Variants in GALNTL6 observed in about 807,000 individuals in gnomAD.
GALNTL6 encodes the protein polypeptide N-acetylgalactosaminyltransferase-like 6.
Under a neutral mutation model 73.7 loss-of-function variants are expected in GALNTL6, and 46 were observed. That is an observed-to-expected ratio of 0.62 (90% CI 0.49 to 0.80). GALNTL6 has a LOEUF of 0.80. GALNTL6 is among the 30% of genes least tolerant of loss of function. GALNTL6 has a pLI of 0.00. For synonymous variants in GALNTL6, 259 were observed against 263.7 expected, an observed-to-expected ratio of 0.98 and a Z score of 0.17; for missense variants, 604 against 755.0, an observed-to-expected ratio of 0.80 and a Z score of 2.34.
At chr4:172,237,936 A>C (rs1737294649) in intron 3 of GALNTL6, among the ~76,000 whole-genome samples, 1 of 151,970 alleles carries the variant, frequency 6.6e-6, no homozygotes. Context: ...AGTCTGTTCC[A>C]TTGGTCTATG....
rs975047527 is a variant in GALNTL6, at chr4:172,671,823, T to C, written c.554-137538T>C. On this transcript the variant is annotated intron_variant, in intron 5 of 12. Transcript: ENST00000506823. ...ATATGGCTCTTATTGTTTTGAAATATGTTCCTTTAACACCTAGGGGTTTTT... is the reference window on the plus strand; with the variant it reads ...ATATGGCTCTTATTGTTTTGAAATACGTTCCTTTAACACCTAGGGGTTTTT... Among the ~76,000 whole-genome samples the C allele has an allele frequency of 2.0e-5, 3 of 152,100 alleles. No individual in the cohort carries two copies. In the South Asian group the frequency reaches 6.2e-4, roughly 32 times the overall value.
chr4:172,665,784 CTA>C (rs1731627787), intron 5 of GALNTL6, among the ~76,000 whole-genome samples: 1 of 152,062 alleles, frequency 6.6e-6, no homozygotes, highest in Non-Finnish European at 1.5e-5. Context: ...GTCATTATTT[CTA>C]TGTTACTTGT....
chr4:172,116,293 G>T (rs976415007), intron 2 of GALNTL6, among the ~76,000 whole-genome samples: 1 of 152,150 alleles, frequency 6.6e-6, no homozygotes, highest in Admixed American at 6.6e-5. Context: ...AAAATTAAAA[G>T]AAAATAACTT....
At chr4:173,026,991 T>C (rs1753258934) in intron 12 of GALNTL6, among the ~76,000 whole-genome samples, 1 of 152,178 alleles carries the variant, frequency 6.6e-6, no homozygotes, top group South Asian at 2.1e-4. Flanking sequence ...TCTATATAGA[T>C]ATATATAATT....
intron 5 of GALNTL6, among the ~76,000 whole-genome samples, chr4:172,720,357 G>T (rs954366775): frequency 1.3e-5 from 2 of 152,226 alleles, no homozygotes; most frequent in Admixed American, 1.3e-4. Context: ...CTTCCCGCCC[G>T]CCATTCAAAT....
intron 12 of GALNTL6, among the ~76,000 whole-genome samples, chr4:173,030,897 G>A (rs1753430477): frequency 6.6e-6 from 1 of 151,812 alleles, no homozygotes; most frequent in Admixed American, 6.6e-5. Flanking sequence ...AGCTATTTGG[G>A]AGGCTGAGGC....
intron 3 of GALNTL6, among the ~76,000 whole-genome samples, chr4:172,278,153 C>T (rs752154690): frequency 6.6e-6 from 1 of 152,018 alleles, no homozygotes; most frequent in Non-Finnish European, 1.5e-5. Flanking sequence ...TCCTTTCTTC[C>T]CATTTCTCCA....
rs567828458 is a variant in GALNTL6 at position 171,868,718 on chromosome 4, G to C, written c.138+54000G>C. ...TTTTTTTTAGACGGAGTCCTGCTCT[G>C]TCACCCAGGCTGGAGTGCAGTGGTG... On this transcript the variant is annotated intron_variant, in intron 2 of 12. Transcript: ENST00000506823. Among the ~76,000 whole-genome samples, 11 of 151,972 alleles carry C rather than the reference G, an allele frequency of 7.2e-5. No homozygotes were observed. The East Asian group carries it at 2.1e-3, about 29-fold the overall frequency.
chr4:171,823,118 T>A (rs1212980147), intron 2 of GALNTL6, among the ~76,000 whole-genome samples: 1 of 152,208 alleles, frequency 6.6e-6, no homozygotes, highest in African/African-American at 2.4e-5. Context: ...TTAGGCTTGA[T>A]AATTTGTCCC....
chr4:172,406,396 G>T (rs971005145), intron 5 of GALNTL6, among the ~76,000 whole-genome samples: 2 of 151,844 alleles, frequency 1.3e-5, no homozygotes, highest in African/African-American at 4.8e-5. Flanking sequence ...AGTCAAAAAT[G>T]CATATGCATG....
Position 172,499,422 on chromosome 4 carries a change from C to T in GALNTL6, c.553+150733C>T, listed in dbSNP as rs150697230. ...TGCCAGCACCTTCGTCTTAGATTTC[C>T]CAGCCTCCAGAGCTGTCGGAAATAA... On this transcript the variant is annotated intron_variant, in intron 5 of 12. Transcript: ENST00000506823. Among the ~76,000 whole-genome samples, 862 of 152,310 alleles carry T rather than the reference C, an allele frequency of 5.7e-3. 6 individuals are homozygous for T. Among genetic ancestry groups the T allele is most frequent in the South Asian group, 0.033 (161 of 4,820 alleles).
At position 173,005,443 on chromosome 4, in the gene GALNTL6, T is replaced by C. The variant is rs190832437; in HGVS notation, c.1372-3735T>C. ...TCCTAAGTTTGGGCCCATGTGTATG[T>C]GTGTGAACTGCTTCACCTTCAGCCA... is the stretch of plus-strand genomic sequence containing the variant. On this transcript the variant is annotated intron_variant, in intron 10 of 12. Transcript: ENST00000506823. Among the ~76,000 whole-genome samples, 433 of 152,286 alleles carry C rather than the reference T, an allele frequency of 2.8e-3. 1 individual carries two copies. Among genetic ancestry groups the C allele is most frequent in the Non-Finnish European group, 5.2e-3 (351 of 68,028 alleles).
intron 2 of GALNTL6, among the ~76,000 whole-genome samples, chr4:172,156,543 ATAT>A (rs1734278976): frequency 1.6e-4 from 3 of 19,344 alleles, no homozygotes; most frequent in Non-Finnish European, 2.2e-4. Context: ...TATATATAAT[ATAT>A]ATATATATAT....
intron 3 of GALNTL6, among the ~76,000 whole-genome samples, chr4:172,300,806 TC>T (rs1317506352): frequency 2.0e-5 from 3 of 152,222 alleles, no homozygotes; most frequent in Non-Finnish European, 4.4e-5. Flanking sequence ...TAACATTTTT[TC>T]CTTCATTTCA....
At chr4:172,054,545 C>G (rs144383318) in intron 2 of GALNTL6, among the ~76,000 whole-genome samples, 2,438 of 152,118 alleles carry the variant, frequency 0.016, 28 homozygotes, top group Non-Finnish European at 0.023. Flanking sequence ...GTTCATAGAC[C>G]AGAGATTTTC....
chr4:172,687,785 C>T (rs576494288), intron 5 of GALNTL6, among the ~76,000 whole-genome samples: 1 of 152,088 alleles, frequency 6.6e-6, no homozygotes, highest in Non-Finnish European at 1.5e-5. Flanking sequence ...ACCATATTCT[C>T]CTTTGGGCTG....
At chr4:171,814,908 G>A (rs187593189) in intron 2 of GALNTL6, 190 bp downstream of exon 2, 19 of 607,340 alleles carry the variant, frequency 3.1e-5, no homozygotes, top group Non-Finnish European at 5.5e-5. Flanking sequence ...CAGTAACATC[G>A]TGACATGTAC....
At chr4:171,892,303 T>C (rs1736784212) in intron 2 of GALNTL6, among the ~76,000 whole-genome samples, 1 of 152,158 alleles carries the variant, frequency 6.6e-6, no homozygotes, top group African/African-American at 2.4e-5. Flanking sequence ...ATATAGAGGA[T>C]GGGGAAAGAT....
At chr4:173,033,384 T>C (rs1401585700) in intron 12 of GALNTL6, among the ~76,000 whole-genome samples, 1 of 30,440 alleles carries the variant, frequency 3.3e-5, no homozygotes, top group African/African-American at 1.4e-4. Context: ...ATTCTAGCTG[T>C]CAAAAAAAAA....
Sources: gnomAD v4.1 joint callset for allele counts (sites outside exome capture counted in the v4.1 genomes callset) on GRCh38, gnomAD v4.1.1 for gene constraint, MANE v1.5 for transcripts, NCBI Gene and HGNC (gene_info 2026-07-23, HGNC 2026-07-21) for gene names.